The following THG1L variants were observed in gnomAD, a reference collection of about 807,000 sequenced individuals.
The protein encoded by THG1L is tRNA-histidine guanylyltransferase 1 like.
Under a neutral mutation model 35.2 loss-of-function variants are expected in THG1L, and 27 were observed. The observed-to-expected ratio is 0.77, with a 90% CI of 0.57 to 1.06. THG1L has a LOEUF of 1.06. Ranked by LOEUF, THG1L falls within the 50% of genes least tolerant of loss-of-function variation. THG1L has a pLI of 0.00. For synonymous variants in THG1L, 135 were observed against 132.4 expected, an observed-to-expected ratio of 1.02 and a Z score of -0.14; for missense variants, 377 against 371.8, an observed-to-expected ratio of 1.01 and a Z score of -0.12.
chr5:157,733,097 T>C (rs1760772985), intron 2 of THG1L, 53 bp downstream of exon 2: 1 of 1,596,330 alleles, frequency 6.3e-7, no homozygotes, highest in African/African-American at 1.3e-5. Flanking sequence ...CAGCATCTGG[T>C]TTTCTGTTTA....
At chr5:157,734,115 T>A (rs942407483) in intron 2 of THG1L, among the ~76,000 whole-genome samples, 1 of 152,110 alleles carries the variant, frequency 6.6e-6, no homozygotes, top group Non-Finnish European at 1.5e-5. Context: ...TGGCCAGGTG[T>A]GATGACTCAC....
intron 2 of THG1L, 113 bp from the exon 3 acceptor site, chr5:157,734,463 T>C: frequency 8.1e-7 from 1 of 1,236,286 alleles, no homozygotes; most frequent in Non-Finnish European, 1.1e-6. Flanking sequence ...TCTCCTGGCT[T>C]TCTGGGCAGT....
chr5:157,738,823 C>T (rs904641869), intron 5 of THG1L: 1 of 211,376 alleles, frequency 4.7e-6, no homozygotes, highest in Non-Finnish European at 9.0e-6. Context: ...AATAGTATAA[C>T]CTTTTTTTTT....
chr5:157,738,516 T>C (rs1026021162), intron 5 of THG1L: 1 of 371,562 alleles, frequency 2.7e-6, no homozygotes, highest in Non-Finnish European at 5.1e-6. Context: ...ATTTTACCAA[T>C]ATTTTCTCTC....
rs377227705 is a variant in THG1L at position 157,731,637 on chromosome 5, C to G, written c.191+6C>G. The G allele has an allele frequency of 6.3e-7, 1 of 1,588,260 alleles. No individual in the cohort carries two copies. Among genetic ancestry groups the G allele is most frequent in the Non-Finnish European group, 8.6e-7 (1 of 1,164,596 alleles). Reference sequence around the variant, plus strand: ...GACGGCCGGAATTTCCATCGGTGAGCGAGCTCGACTCGGGGCGTCGCGATG... The same window carrying G: ...GACGGCCGGAATTTCCATCGGTGAGGGAGCTCGACTCGGGGCGTCGCGATG... On this transcript the variant is annotated splice_donor_region_variant and intron_variant, in intron 1 of 5. Transcript: ENST00000231198.
intron 5 of THG1L, among the ~76,000 whole-genome samples, 167 bp from the exon 6 acceptor site, chr5:157,739,154 C>T (rs1760963873): frequency 6.6e-6 from 1 of 152,036 alleles, no homozygotes; most frequent in African/African-American, 2.4e-5. Context: ...TATATATACA[C>T]ACATACATAT....
rs1183814601 is a variant in THG1L at position 157,740,076 on chromosome 5, C to T, written c.*594C>T. The stretch of plus-strand genomic sequence containing the variant: ...ACAAATGAGTAGTGGCTTCAGTGTC[C>T]TTGCGTACACATTCTGTGGATTGAT... On this transcript the variant is annotated 3_prime_UTR_variant, in exon 6 of 6. Coordinates refer to ENST00000231198, the MANE Select transcript of THG1L (RefSeq NM_017872.5). 1 of 152,196 alleles carries T rather than the reference C, an allele frequency of 6.6e-6. No homozygotes were observed. Among genetic ancestry groups the T allele is most frequent in the Non-Finnish European group, 1.5e-5 (1 of 68,048 alleles). 9.4% of individuals were successfully genotyped at this position (152,196 alleles called of 1,614,324 possible).
chr5:157,732,215 C>CAAAAAAAAAAAAAA (rs34744387), intron 1 of THG1L, among the ~76,000 whole-genome samples: 12 of 53,894 alleles, frequency 2.2e-4, no homozygotes, highest in African/African-American at 2.8e-4. Flanking sequence ...TCCGCCACTA[C>CAAAAAAAAAAAAAA]AAAAAAAAAA....
rs1356378814 is a variant in THG1L at position 157,740,748 on chromosome 5, C to G, written c.*1266C>G. ...GAAACCCCCGTCTCTACTAAAAATA[C>G]AAAAAATTAGCTGGGCATGGTGGTG... On this transcript the variant is annotated 3_prime_UTR_variant, in exon 6 of 6. Transcript: ENST00000231198. 6.6e-6 allele frequency: 1 copy of G among 151,862 alleles called. No individual in the cohort carries two copies. The highest frequency in any genetic ancestry group is 1.9e-4 in the East Asian group (1 of 5,176). The allele number at this position is 151,862 out of a possible 1,614,324, so 9.4% of individuals were successfully genotyped here. A position where few individuals can be genotyped will look rare whatever the true frequency, so the allele number is the denominator to read the frequency against.
chr5:157,733,590 C>T (rs889615321), intron 2 of THG1L, among the ~76,000 whole-genome samples: 5 of 151,932 alleles, frequency 3.3e-5, no homozygotes, highest in Admixed American at 6.6e-5. Context: ...CTTGGCCTCT[C>T]GAAGTGCTAG....
rs1760721890 is a variant in THG1L, at chr5:157,731,644, G to T, written c.191+13G>T. On this transcript the variant is annotated intron_variant, in intron 1 of 5. Transcript: ENST00000231198. ...GGAATTTCCATCGGTGAGCGAGCTC[G>T]ACTCGGGGCGTCGCGATGCGCCAGC... is the stretch of plus-strand genomic sequence containing the variant. 2 of 1,580,398 alleles carry T rather than the reference G, an allele frequency of 1.3e-6. No individual in the cohort carries two copies. Among genetic ancestry groups the T allele is most frequent in the Non-Finnish European group, 1.7e-6 (2 of 1,160,650 alleles).
rs1193461361 is a variant in THG1L at position 157,731,518 on chromosome 5, G to A, written c.78G>A (p.Leu26=). 4 of 1,612,946 alleles carry A rather than the reference G, an allele frequency of 2.5e-6. No homozygotes were observed. Among genetic ancestry groups the A allele is most frequent in the Non-Finnish European group, 3.4e-6 (4 of 1,179,526 alleles). The change falls in exon 1 of 6, where the codon TTG becomes TTA. Residue 26 remains leucine (L), a synonymous_variant. Transcript: ENST00000231198. ...TCACTCTGAGACGGTACCTGAGATT[G>A]GGGGCGACCATGGCAAAAAGCAAGT... ...ISITLRRYLR[L]GATMAKSKFE... is the part of the protein sequence containing the mutation.
At chr5:157,736,613 G>A (rs944610231) in intron 4 of THG1L, among the ~76,000 whole-genome samples, 5 of 152,152 alleles carry the variant, frequency 3.3e-5, no homozygotes, top group African/African-American at 4.8e-5. Context: ...CATTTTCCCT[G>A]CTGGGCACCT....
At chr5:157,731,810 G>A (rs1480153583) in intron 1 of THG1L, among the ~76,000 whole-genome samples, 179 bp downstream of exon 1, 2 of 152,366 alleles carry the variant, frequency 1.3e-5, no homozygotes, top group African/African-American at 4.8e-5. Flanking sequence ...GTGCCTGAAC[G>A]CTGGCTGTTA....
chr5:157,732,147 G>T (rs529230867), intron 1 of THG1L, among the ~76,000 whole-genome samples: 1 of 138,030 alleles, frequency 7.2e-6, no homozygotes, highest in South Asian at 2.4e-4. Flanking sequence ...AAGGCCAGGA[G>T]TTGGAGACCA....
intron 1 of THG1L, 146 bp downstream of exon 1, chr5:157,731,777 C>G (rs1760729401): frequency 9.5e-7 from 1 of 1,053,676 alleles, no homozygotes; most frequent in Admixed American, 2.7e-5. Context: ...AGCATTGCCC[C>G]GCCCTGCGTG....
chr5:157,732,779 C>G, intron 1 of THG1L, 89 bp from the exon 2 acceptor site: 1 of 1,486,554 alleles, frequency 6.7e-7, no homozygotes, highest in Admixed American at 1.8e-5. Context: ...ACATTATCTT[C>G]CTCCAAACAG....
At chr5:157,738,295 G>T (rs1480226672) in intron 5 of THG1L, among the ~76,000 whole-genome samples, 2 of 152,162 alleles carry the variant, frequency 1.3e-5, no homozygotes, top group African/African-American at 4.8e-5. Flanking sequence ...ACAGATATGA[G>T]GATTTGTGCA....
chr5:157,735,663 GT>G (rs1372629037), intron 3 of THG1L, among the ~76,000 whole-genome samples, 182 bp from the exon 4 acceptor site: 1 of 152,322 alleles, frequency 6.6e-6, no homozygotes, highest in East Asian at 1.9e-4. Context: ...TAGGGATGAA[GT>G]TTTTTCCCTA....
Sources: allele counts gnomAD v4.1 joint callset (sites outside exome capture counted in the v4.1 genomes callset), GRCh38; gene constraint gnomAD v4.1.1; transcripts MANE v1.5; gene names NCBI Gene and HGNC (gene_info 2026-07-23, HGNC 2026-07-21).